Variants in GAB4 observed in about 807,000 individuals in gnomAD.
The protein encoded by GAB4 is GRB2-associated-binding protein 4.
In GAB4, 26 loss-of-function variants were observed where a neutral mutation model predicts 51.3. The ratio of observed to expected loss-of-function variants is 0.51; its 90% confidence interval spans 0.37 to 0.70. GAB4 has a LOEUF of 0.70. Among genes scored for constraint, GAB4 ranks in the 30% least tolerant of loss-of-function variants. GAB4 has a pLI of 0.00. For synonymous variants in GAB4, 329 were observed against 291.2 expected, an observed-to-expected ratio of 1.13 and a Z score of -1.32; for missense variants, 759 against 734.6, an observed-to-expected ratio of 1.03 and a Z score of -0.38.
intron 8 of GAB4, 69 bp from the exon 9 acceptor site, chr22:16,963,898 C>A: frequency 1.6e-6 from 2 of 1,244,280 alleles, no homozygotes; most frequent in Non-Finnish European, 1.2e-6. Context: ...GTGGAACACA[C>A]CTGTGGGCGT....
intron 1 of GAB4, among the ~76,000 whole-genome samples, chr22:17,004,479 C>T (rs186701250): frequency 9.2e-5 from 14 of 152,276 alleles, no homozygotes; most frequent in East Asian, 3.9e-4. Context: ...TTATCAATCA[C>T]GATCAAGTCG....
chr22:16,987,808 A>C (rs1170953092), intron 3 of GAB4, 152 bp downstream of exon 3: 1 of 603,898 alleles, frequency 1.7e-6, no homozygotes, highest in African/African-American at 1.9e-5. Flanking sequence ...AAGGCTACAT[A>C]AACAAAAAAT....
intron 3 of GAB4, among the ~76,000 whole-genome samples, chr22:16,987,266 C>T (rs1179758518): frequency 1.3e-5 from 2 of 152,252 alleles, no homozygotes; most frequent in African/African-American, 2.4e-5. Flanking sequence ...CCCATCCCCT[C>T]TGCACATTTG....
intron 1 of GAB4, among the ~76,000 whole-genome samples, chr22:16,997,007 C>T (rs2060955377): frequency 6.6e-6 from 1 of 152,126 alleles, no homozygotes; most frequent in Admixed American, 6.5e-5. Context: ...TTTTTTATGG[C>T]TGCATAGTAT....
chr22:17,003,016 A>G (rs1245053748), intron 1 of GAB4, among the ~76,000 whole-genome samples: 1 of 152,180 alleles, frequency 6.6e-6, no homozygotes, highest in African/African-American at 2.4e-5. Context: ...ACCAAAAGAA[A>G]GCAGGGTTTG....
At chr22:16,973,207 C>T (rs2060747849) in intron 3 of GAB4, among the ~76,000 whole-genome samples, 1 of 152,222 alleles carries the variant, frequency 6.6e-6, no homozygotes, top group Non-Finnish European at 1.5e-5. Flanking sequence ...GAGTCACACT[C>T]CATTGTTATT....
Position 17,005,409 on chromosome 22 carries a change from G to A in GAB4, c.174+2532C>T, listed in dbSNP as rs534079741. 6.6e-4 allele frequency among the ~76,000 whole-genome samples: 100 copies of A among 152,268 alleles called. 1 individual carries two copies. The highest frequency in any genetic ancestry group is 3.4e-3 in the Middle Eastern group (1 of 294). On this transcript the variant is annotated intron_variant, in intron 1 of 9. Transcript: ENST00000400588. ...CATGGATAGGAAGAATCAATATTGTGAAAACGGCCATACTGCCCAAAGTAA... is the reference window on the plus strand; with the variant it reads ...CATGGATAGGAAGAATCAATATTGTAAAAACGGCCATACTGCCCAAAGTAA...
intron 4 of GAB4, among the ~76,000 whole-genome samples, chr22:16,969,146 T>C (rs1425725494): frequency 6.6e-6 from 1 of 152,236 alleles, no homozygotes; most frequent in Non-Finnish European, 1.5e-5. Flanking sequence ...AGAATCTAGG[T>C]ATTTCAAATA....
chr22:16,966,202 G>A lies in GAB4; in HGVS notation c.1186C>T (p.Leu396Phe). ...VGSCLVRFDLLGSPLTELSMH... is the reference protein window; with the variant it reads ...VGSCLVRFDLFGSPLTELSMH... ...GAAAGCTCTGTGAGTGGGGAGCCAA[G>A]CAGGTCAAAGCGAACAAGACATGAG... The change falls in exon 6 of 10, where the codon CTT becomes TTT. Residue 396 changes from leucine (L) to phenylalanine (F), a missense_variant. By Grantham distance (22) the Leu-to-Phe change is conservative. This residue lies in a region of GAB4 where 588 missense variants were observed against 510.2 expected (regional missense o/e 1.15). Transcript: ENST00000400588. 1.2e-6 allele frequency: 2 copies of A among 1,614,104 alleles called. No homozygotes were observed. The highest frequency in any genetic ancestry group is 1.7e-6 in the Non-Finnish European group (2 of 1,180,016).
intron 1 of GAB4, among the ~76,000 whole-genome samples, chr22:16,993,612 C>T (rs1162588568): frequency 1.3e-5 from 2 of 152,192 alleles, no homozygotes; most frequent in Non-Finnish European, 2.9e-5. Context: ...AATGCTTTGC[C>T]TACTCCACCT....
intron 2 of GAB4, among the ~76,000 whole-genome samples, chr22:16,991,593 C>T (rs2060914402): frequency 6.6e-6 from 1 of 152,208 alleles, no homozygotes; most frequent in Non-Finnish European, 1.5e-5. Flanking sequence ...AGGGCCAGAA[C>T]AGCCAGAGAT....
At chr22:16,976,669 C>T (rs1352916488) in intron 3 of GAB4, among the ~76,000 whole-genome samples, 3 of 152,088 alleles carry the variant, frequency 2.0e-5, no homozygotes, top group African/African-American at 7.2e-5. Flanking sequence ...ATACAGAGAA[C>T]ACCACCAAGA....
chr22:17,006,627 C>T (rs1166081101), intron 1 of GAB4, among the ~76,000 whole-genome samples: 1 of 152,114 alleles, frequency 6.6e-6, no homozygotes, highest in Non-Finnish European at 1.5e-5. Context: ...CAATAATAGA[C>T]TGGATAAAGA....
At chr22:16,967,798 C>A in intron 5 of GAB4, among the ~76,000 whole-genome samples, 1 of 152,176 alleles carries the variant, frequency 6.6e-6, no homozygotes, top group East Asian at 1.9e-4. Flanking sequence ...TTACCCTTTC[C>A]AGGTGGCAGC....
At chr22:16,963,254 C>T (rs2060643851) in intron 9 of GAB4, among the ~76,000 whole-genome samples, 1 of 152,142 alleles carries the variant, frequency 6.6e-6, no homozygotes, top group Non-Finnish European at 1.5e-5. Context: ...CCAAGGGGCG[C>T]AATGCACAGA....
chr22:16,971,225 G>A (rs928003314), intron 3 of GAB4, among the ~76,000 whole-genome samples: 6 of 152,160 alleles, frequency 3.9e-5, no homozygotes, highest in Non-Finnish European at 8.8e-5. Context: ...TTATTAAAAC[G>A]TAAGTTTTGG....
intron 5 of GAB4, chr22:16,967,069 G>C (rs1206560502): frequency 6.6e-6 from 1 of 152,180 alleles, no homozygotes; most frequent in Non-Finnish European, 1.5e-5. Flanking sequence ...GAGATGTCTG[G>C]GCACTTCTAG....
At chr22:16,968,056 A>G (rs2060695979) in intron 5 of GAB4, among the ~76,000 whole-genome samples, 1 of 152,152 alleles carries the variant, frequency 6.6e-6, no homozygotes, top group African/African-American at 2.4e-5. Flanking sequence ...ACCCTCTGCT[A>G]CCCACAGGGC....
Position 16,963,737 on chromosome 22 carries a change from G to C in GAB4, c.1569C>G (p.Phe523Leu). 6.2e-7 allele frequency: 1 copy of C among 1,613,322 alleles called. No individual in the cohort carries two copies. The highest frequency in any genetic ancestry group is 1.1e-5 in the South Asian group (1 of 91,058). Residue 523 changes from phenylalanine to leucine, a missense_variant, in exon 9 of 10, where the codon TTC becomes TTG. This residue lies in a region of GAB4 where 588 missense variants were observed against 510.2 expected (regional missense o/e 1.15). Coordinates refer to ENST00000400588, the MANE Select transcript of GAB4 (RefSeq NM_001037814.1). Reference sequence around the variant, plus strand: ...CCACCCCAGGCACCTTGCTCGGCTGGAAGTCCAGGGCCGCGTAGTGGATGT... The same window carrying C: ...CCACCCCAGGCACCTTGCTCGGCTGCAAGTCCAGGGCCGCGTAGTGGATGT... Reference protein sequence around the residue: ...TGNIHYAALDFQPSKPSIGSV... With the variant: ...TGNIHYAALDLQPSKPSIGSV...
Sources: allele counts gnomAD v4.1 joint callset (sites outside exome capture counted in the v4.1 genomes callset), GRCh38; gene constraint gnomAD v4.1.1; regional missense constraint gnomAD v4.1.1; transcripts MANE v1.5; gene names NCBI Gene and HGNC (gene_info 2026-07-23, HGNC 2026-07-21).